GPM6A: variants seen among roughly 807,000 people sequenced by gnomAD.
The protein encoded by GPM6A is glycoprotein M6A.
A neutral mutation model predicts 32.1 loss-of-function variants in GPM6A; 7 were observed. The ratio of observed to expected loss-of-function variants is 0.22; its 90% CI spans 0.12 to 0.41. GPM6A has a LOEUF of 0.41. GPM6A is among the 10% of genes least tolerant of loss of function. GPM6A has a pLI of 1.00. For synonymous variants in GPM6A, 130 were observed against 123.4 expected, an observed-to-expected ratio of 1.05 and a Z score of -0.35; for missense variants, 235 against 347.2, an observed-to-expected ratio of 0.68 and a Z score of 2.57.
At chr4:175,648,344 G>C (rs1353506460) in intron 4 of GPM6A, among the ~76,000 whole-genome samples, 1 of 152,176 alleles carries the variant, frequency 6.6e-6, no homozygotes, top group South Asian at 2.1e-4. Context: ...ACTTGTACCT[G>C]TGTTGGAGTA....
intron 1 of GPM6A, among the ~76,000 whole-genome samples, chr4:175,804,938 G>C (rs561654305): frequency 2.6e-5 from 4 of 151,996 alleles, no homozygotes; most frequent in Non-Finnish European, 5.9e-5. Flanking sequence ...CCAGCTATTC[G>C]GGAGGCTGAG....
chr4:175,668,439 T>G (rs948436229), intron 3 of GPM6A, among the ~76,000 whole-genome samples: 1 of 149,632 alleles, frequency 6.7e-6, no homozygotes, highest in African/African-American at 2.5e-5. Context: ...GAAAAAAAAA[T>G]GATGTTGTCT....
intron 1 of GPM6A, among the ~76,000 whole-genome samples, chr4:175,990,836 A>G (rs1741115691): frequency 6.6e-6 from 1 of 152,104 alleles, no homozygotes; most frequent in Non-Finnish European, 1.5e-5. Context: ...CATATGATGT[A>G]AGGGGATTTC....
intron 1 of GPM6A, among the ~76,000 whole-genome samples, chr4:175,988,619 C>A (rs988600926): frequency 2.0e-5 from 3 of 152,282 alleles, no homozygotes; most frequent in Non-Finnish European, 4.4e-5. Context: ...CAGTCCTTAG[C>A]TTTACTTCTA....
chr4:175,682,806 C>T (rs907940200), intron 2 of GPM6A, among the ~76,000 whole-genome samples: 1 of 152,204 alleles, frequency 6.6e-6, no homozygotes, highest in African/African-American at 2.4e-5. Flanking sequence ...CAGCCCCTGC[C>T]TAGATTTCAG....
intron 1 of GPM6A, among the ~76,000 whole-genome samples, chr4:175,905,483 G>A (rs984936256): frequency 2.0e-5 from 3 of 151,986 alleles, no homozygotes; most frequent in African/African-American, 7.3e-5. Context: ...GAAGCCAAAA[G>A]ATTGGACACC....
intron 1 of GPM6A, among the ~76,000 whole-genome samples, chr4:175,968,031 T>C (rs1431101220): frequency 1.3e-5 from 2 of 152,012 alleles, no homozygotes; most frequent in East Asian, 3.9e-4. Flanking sequence ...TACCACAAAG[T>C]TATAGCAATC....
chr4:175,780,450 C>T (rs887835164), intron 1 of GPM6A, among the ~76,000 whole-genome samples: 2 of 152,202 alleles, frequency 1.3e-5, no homozygotes, highest in Non-Finnish European at 2.9e-5. Flanking sequence ...CTCTTCTGTT[C>T]ATCCCAAGTG....
chr4:175,930,434 GTTTTTT>G (rs66737053), intron 1 of GPM6A, among the ~76,000 whole-genome samples: 3 of 106,768 alleles, frequency 2.8e-5, no homozygotes, highest in African/African-American at 7.8e-5. Flanking sequence ...TTGGGGGGGG[GTTTTTT>G]TGTTGTTGTT....
intron 1 of GPM6A, among the ~76,000 whole-genome samples, chr4:175,901,494 C>A (rs1259508288): frequency 1.7e-4 from 26 of 151,648 alleles, no homozygotes; most frequent in Admixed American, 1.7e-3. Flanking sequence ...ATTAGAGTAG[C>A]TACCATTAAA....
chr4:175,668,356 A>G (rs1560862920), intron 3 of GPM6A, among the ~76,000 whole-genome samples: 1 of 151,340 alleles, frequency 6.6e-6, no homozygotes, highest in African/African-American at 2.4e-5. Context: ...TATCACCCCT[A>G]TGTTTGAAGG....
At chr4:175,677,187 A>G (rs906792673) in intron 2 of GPM6A, among the ~76,000 whole-genome samples, 2 of 152,170 alleles carry the variant, frequency 1.3e-5, no homozygotes, top group Non-Finnish European at 2.9e-5. Context: ...GTACATAAGG[A>G]ATGAATATTA....
intron 1 of GPM6A, among the ~76,000 whole-genome samples, chr4:175,993,572 T>G (rs1444045123): frequency 6.6e-6 from 1 of 152,196 alleles, no homozygotes; most frequent in Admixed American, 6.5e-5. Flanking sequence ...TTCCACAGTT[T>G]TGCCTTCTTT....
At chr4:175,939,856 A>C in intron 1 of GPM6A, among the ~76,000 whole-genome samples, 1 of 135,650 alleles carries the variant, frequency 7.4e-6, no homozygotes, top group Non-Finnish European at 1.5e-5. Flanking sequence ...TTAATAAGCA[A>C]AAAAAAAAAC....
chr4:175,886,006 G>T (rs779326788), intron 1 of GPM6A, among the ~76,000 whole-genome samples: 2 of 152,080 alleles, frequency 1.3e-5, no homozygotes, highest in African/African-American at 4.8e-5. Flanking sequence ...ATAAAAAACA[G>T]CATTAAGAGA....
chr4:175,984,280 A>C (rs574215286), intron 1 of GPM6A, among the ~76,000 whole-genome samples: 3 of 152,268 alleles, frequency 2.0e-5, no homozygotes, highest in Admixed American at 2.0e-4. Flanking sequence ...CTCCCGCCTC[A>C]GCCTTCCGAG....
chr4:175,828,004 T>C (rs906992843), intron 1 of GPM6A, among the ~76,000 whole-genome samples: 1 of 152,230 alleles, frequency 6.6e-6, no homozygotes, highest in African/African-American at 2.4e-5. Flanking sequence ...TGTATATTGT[T>C]CTGAGTGATG....
intron 3 of GPM6A, among the ~76,000 whole-genome samples, chr4:175,656,622 G>C (rs1462575930): frequency 2.6e-5 from 4 of 152,134 alleles, no homozygotes. Context: ...ATTGCTTCTT[G>C]ATTATGTAGC....
intron 1 of GPM6A, among the ~76,000 whole-genome samples, chr4:175,838,487 A>G (rs1735840773): frequency 6.6e-6 from 1 of 151,338 alleles, no homozygotes; most frequent in South Asian, 2.1e-4. Context: ...GTTCCCTGCA[A>G]CAAAGTCAGT....
Sources: gnomAD v4.1 joint callset for allele counts (sites outside exome capture counted in the v4.1 genomes callset) on GRCh38, gnomAD v4.1.1 for gene constraint, MANE v1.5 for transcripts, NCBI Gene and HGNC (gene_info 2026-07-23, HGNC 2026-07-21) for gene names.